The following CYP1A1 variants were observed in gnomAD, a reference collection of about 807,000 sequenced individuals.
The protein encoded by CYP1A1 is cytochrome P450 1A1.
In CYP1A1, 43 loss-of-function variants were observed where a neutral mutation model predicts 33.6. That is an observed-to-expected ratio of 1.28 (90% confidence interval 1.00 to 1.65). The LOEUF is 1.65. Ranked by LOEUF, CYP1A1 falls within the 40% of genes most tolerant of loss-of-function variation. The pLI is 0.00. For missense variants in CYP1A1, 637 were observed against 653.7 expected, an observed-to-expected ratio of 0.97 and a Z score of 0.28; for synonymous variants, 280 against 257.8, an observed-to-expected ratio of 1.09 and a Z score of -0.83.
At chr15:74,722,166 C>A (rs1050231399) in intron 2 of CYP1A1, 107 bp downstream of exon 2, 7 of 878,338 alleles carry the variant, frequency 8.0e-6, no homozygotes, top group Middle Eastern at 2.3e-4. Context: ...CAGGTTGAAG[C>A]CTTCCTGAGA....
At position 74,720,806 on chromosome 15, in the gene CYP1A1, G is replaced by A. The variant is rs2141713957; in HGVS notation, c.1254-32C>T. ...CCAGAGGGAGACAGCTGAAGTGGCA[G>A]TTCAGGGCTCAGAAGTGTCAAGTGA... On this transcript the variant is annotated intron_variant, in intron 6 of 6. Coordinates refer to ENST00000379727, the MANE Select transcript of CYP1A1 (RefSeq NM_001319217.2). 6 of 1,591,150 alleles carry A rather than the reference G, an allele frequency of 3.8e-6. No homozygotes were observed. In the East Asian group the frequency reaches 1.3e-4, roughly 36 times the overall value.
rs2063188383 is a variant in CYP1A1 at position 74,723,146 on chromosome 15, GA to G, written c.-29-21del. 1 of 1,415,028 alleles carries G rather than the reference GA, an allele frequency of 7.1e-7. No individual in the cohort carries two copies. Among genetic ancestry groups the G allele is most frequent in the Non-Finnish European group, 9.5e-7 (1 of 1,055,084 alleles). 87.7% of individuals were successfully genotyped at this position (1,415,028 alleles called of 1,614,324 possible). A position where few individuals can be genotyped will look rare whatever the true frequency, so the allele number is the denominator to read the frequency against. On this transcript the variant is annotated intron_variant, in intron 1 of 6. Transcript: ENST00000379727. ...TGGCTGCTGAGAGAAGGTGCAGGAA[GA>G]AAAAAAGTCAAGCCGTCAGATTGGG...
In CYP1A1 at chr15:74,721,436, C is replaced by T. The variant is rs1340288097; in HGVS notation, c.1020G>A (p.Gln340=). The stretch of plus-strand genomic sequence containing the variant: ...TACCTAGCTCCTCTTGGATCTTTCT[C>T]TGTACCCTGGGGTTCATCACCAAAT... ...LMYLVMNPRV[Q]RKIQEELDTV... The change falls in exon 4 of 7, where the codon CAG becomes CAA. Residue 340 remains glutamine, a synonymous_variant. Coordinates refer to ENST00000379727, the MANE Select transcript of CYP1A1 (RefSeq NM_001319217.2). The T allele has an allele frequency of 6.2e-6, 10 of 1,614,064 alleles. No homozygotes were observed. Among genetic ancestry groups the T allele is most frequent in the Non-Finnish European group, 8.5e-6 (10 of 1,180,050 alleles).
chr15:74,722,089 T>G (rs532706633), intron 2 of CYP1A1, 184 bp downstream of exon 2: 1 of 613,652 alleles, frequency 1.6e-6, no homozygotes, highest in African/African-American at 1.8e-5. Context: ...CATGGAAGGG[T>G]TAGTCAAGAT....
In CYP1A1 at chr15:74,720,350, C is replaced by T. The variant is rs2063157222; in HGVS notation, c.*139G>A. The T allele has an allele frequency of 5.0e-6, 5 of 997,908 alleles. No individual in the cohort carries two copies. The highest frequency in any genetic ancestry group is 7.1e-6 in the Non-Finnish European group (5 of 701,990). 61.8% of individuals were successfully genotyped at this position (997,908 alleles called of 1,614,324 possible). A position where few individuals can be genotyped will look rare whatever the true frequency, so the allele number is the denominator to read the frequency against. ...AGGCAGGATCCCTTAGGCTTGCCCA[C>T]AGCCCAGATAGCAAAACTGCAGCCA... is the stretch of plus-strand genomic sequence containing the variant. On this transcript the variant is annotated 3_prime_UTR_variant, in exon 7 of 7. Coordinates refer to ENST00000379727, the MANE Select transcript of CYP1A1 (RefSeq NM_001319217.2).
intron 1 of CYP1A1, among the ~76,000 whole-genome samples, chr15:74,724,866 G>T (rs1322352460): frequency 6.6e-6 from 1 of 152,126 alleles, no homozygotes; most frequent in African/African-American, 2.4e-5. Flanking sequence ...GGACAAAGAA[G>T]ATGGTCAATG....
In CYP1A1 at chr15:74,720,477, GCT is replaced by G. The variant is rs781368432; in HGVS notation, c.*10_*11del. On this transcript the variant is annotated 3_prime_UTR_variant, in exon 7 of 7. Coordinates refer to ENST00000379727, the MANE Select transcript of CYP1A1 (RefSeq NM_001319217.2). ...AGGTAGACAGAGTCTAGGCCTCAGG[GCT>G]CTCAAGCACCTAAGAGCGCAGCTGC... 1 of 1,547,046 alleles carries G rather than the reference GCT, an allele frequency of 6.5e-7. No individual in the cohort carries two copies. The highest frequency in any genetic ancestry group is 1.3e-5 in the South Asian group (1 of 79,376).
In CYP1A1 at chr15:74,721,255, G is replaced by C; in HGVS notation, c.1110C>G (p.Ala370=). The change falls in exon 5 of 7, where the codon GCC becomes GCG. Residue 370 remains alanine, a synonymous_variant. Coordinates refer to ENST00000379727, the MANE Select transcript of CYP1A1 (RefSeq NM_001319217.2). ...AGTGTCGGAAGGTCTCCAGGATGAA[G>C]GCCTCCATATAGGGCAGATGGGATC... ...SDRSHLPYME[A]FILETFRHSS... 1 of 1,613,928 alleles carries C rather than the reference G, an allele frequency of 6.2e-7. No individual in the cohort carries two copies. The highest frequency in any genetic ancestry group is 8.5e-7 in the Non-Finnish European group (1 of 1,179,940).
rs777121006 is a variant in CYP1A1, at chr15:74,721,582, T to C, written c.952+9A>G. On this transcript the variant is annotated intron_variant, in intron 3 of 6. Transcript: ENST00000379727. ...TGAGCACAGGAAGGACACAATGGGGTAACCATACCAGCTCCAAAGAGGTCC... is the reference window on the plus strand; with the variant it reads ...TGAGCACAGGAAGGACACAATGGGGCAACCATACCAGCTCCAAAGAGGTCC... 1.2e-5 allele frequency: 20 copies of C among 1,614,008 alleles called. No homozygotes were observed. The highest frequency in any genetic ancestry group is 1.5e-5 in the Non-Finnish European group (18 of 1,180,030).
At position 74,721,485 on chromosome 15, in the gene CYP1A1, G is replaced by C. The variant is rs751201537; in HGVS notation, c.971C>G (p.Thr324Ser). Residue 324 changes from threonine (T) to serine (S), a missense_variant, in exon 4 of 7, where the codon ACT (threonine) becomes AGT (serine). By Grantham distance (58) the Thr-to-Ser change is moderately conservative. Coordinates refer to ENST00000379727, the MANE Select transcript of CYP1A1 (RefSeq NM_001319217.2). ...ATACATGAGGCTCCAGGAGATAGCA[G>C]TTGTGACTGTGTCAAACCCTGGACA... ...LFGAGFDTVT[T>S]AISWSLMYLV... 1.2e-6 allele frequency: 2 copies of C among 1,614,202 alleles called. No homozygotes were observed. The highest frequency in any genetic ancestry group is 2.2e-5 in the South Asian group (2 of 91,084).
intron 2 of CYP1A1, 51 bp from the exon 3 acceptor site, chr15:74,721,768 C>T: frequency 6.2e-7 from 1 of 1,600,056 alleles, no homozygotes; most frequent in Non-Finnish European, 8.5e-7. Context: ...CCAGAGCTAC[C>T]TCTCCATCCA....
chr15:74,719,673 A>T lies in CYP1A1; in HGVS notation c.*816T>A, dbSNP rs1216958976. The T allele has an allele frequency of 6.6e-6, 1 of 152,076 alleles. No individual in the cohort carries two copies. Among genetic ancestry groups the T allele is most frequent in the Non-Finnish European group, 1.5e-5 (1 of 68,038 alleles). 9.4% of individuals were successfully genotyped at this position (152,076 alleles called of 1,614,324 possible). The stretch of plus-strand genomic sequence containing the variant: ...GCTCTTATGCAAGCATGCAAGCTCA[A>T]TGCAGGCTAGAATAGAAGGATTGTT... On this transcript the variant is annotated 3_prime_UTR_variant, in exon 7 of 7. Coordinates refer to ENST00000379727, the MANE Select transcript of CYP1A1 (RefSeq NM_001319217.2).
In CYP1A1 at chr15:74,722,293, G is replaced by C; in HGVS notation, c.805C>G (p.His269Asp). The change falls in exon 2 of 7, where the codon CAC becomes GAC. Residue 269 changes from histidine to aspartate, a missense_variant. His to Asp is a moderately conservative substitution (Grantham distance 81). Coordinates refer to ENST00000379727, the MANE Select transcript of CYP1A1 (RefSeq NM_001319217.2). ...YSFMQKMVKE[H>D]YKTFEKGHIR... is the part of the protein sequence containing the mutation. The stretch of plus-strand genomic sequence containing the variant: ...TGTACCTTCTCAAAGGTTTTGTAGT[G>C]CTCCTTGACCATCTTCTGCATGAAG... The C allele has an allele frequency of 1.2e-6, 2 of 1,612,524 alleles. No individual in the cohort carries two copies. Among genetic ancestry groups the C allele is most frequent in the Non-Finnish European group, 1.7e-6 (2 of 1,178,742 alleles).
rs775927378 is a variant in CYP1A1 at position 74,720,026 on chromosome 15, T to C, written c.*463A>G. On this transcript the variant is annotated 3_prime_UTR_variant, in exon 7 of 7. Transcript: ENST00000379727. ...CAGTGAGACTACCTCTGTGCCAGTATCCTGGGCTGTCTCTTCCCTTCACTC... is the reference window on the plus strand; with the variant it reads ...CAGTGAGACTACCTCTGTGCCAGTACCCTGGGCTGTCTCTTCCCTTCACTC... 6.5e-6 allele frequency: 1 copy of C among 154,444 alleles called. No individual in the cohort carries two copies. The highest frequency in any genetic ancestry group is 2.4e-5 in the African/African-American group (1 of 41,510). The allele number at this position is 154,444 out of a possible 1,614,324, so 9.6% of individuals were successfully genotyped here.
intron 1 of CYP1A1, 134 bp downstream of exon 1, chr15:74,725,307 T>G (rs1453535203): frequency 6.6e-6 from 1 of 152,366 alleles, no homozygotes; most frequent in African/African-American, 2.4e-5. Context: ...CTAGACTGCC[T>G]GGTCACTAAA....
Position 74,722,506 on chromosome 15 carries a change from T to G in CYP1A1, c.592A>C (p.Ile198Leu). ...CGCCGGCCAAAGCAAATGGCACAGA[T>G]GACATTGGTCACTGATACCACCACA... is the stretch of plus-strand genomic sequence containing the variant. ...RYVVVSVTNV[I>L]CAICFGRRYD... is the part of the protein sequence containing the mutation. The change falls in exon 2 of 7, where the codon ATC becomes CTC. Residue 198 changes from isoleucine (I) to leucine (L), a missense_variant. Physicochemically the swap from Ile to Leu is conservative, Grantham distance 5. Coordinates refer to ENST00000379727, the MANE Select transcript of CYP1A1 (RefSeq NM_001319217.2). 2.5e-6 allele frequency: 4 copies of G among 1,613,998 alleles called. No homozygotes were observed. Among genetic ancestry groups the G allele is most frequent in the Non-Finnish European group, 3.4e-6 (4 of 1,179,970 alleles).
chr15:74,722,760 G>A lies in CYP1A1; in HGVS notation c.338C>T (p.Thr113Ile). 6.2e-7 allele frequency: 1 copy of A among 1,613,706 alleles called. No individual in the cohort carries two copies. The highest frequency in any genetic ancestry group is 8.5e-7 in the Non-Finnish European group (1 of 1,180,024). Residue 113 changes from threonine (T) to isoleucine (I), a missense_variant, in exon 2 of 7, where the codon ACC becomes ATC. Physicochemically the swap from Thr to Ile is moderately conservative, Grantham distance 89. Transcript: ENST00000379727. ...FKGRPDLYTFTLISNGQSMSF... is the reference protein window; with the variant it reads ...FKGRPDLYTFILISNGQSMSF... ...CATGCTCTGACCATTACTGATGAGGGTGAAGGTGTAGAGGTCGGGCCGGCC... is the reference window on the plus strand; with the variant it reads ...CATGCTCTGACCATTACTGATGAGGATGAAGGTGTAGAGGTCGGGCCGGCC...
Position 74,722,788 on chromosome 15 carries a change from T to A in CYP1A1, c.310A>T (p.Lys104Ter). The A allele has an allele frequency of 6.2e-7, 1 of 1,611,494 alleles. No homozygotes were observed. The highest frequency in any genetic ancestry group is 8.5e-7 in the Non-Finnish European group (1 of 1,179,028). The change falls in exon 2 of 7, where the codon AAG (lysine) becomes TAG (stop). Residue 104 changes from lysine to a stop codon, truncating the protein, a stop_gained. Transcript: ENST00000379727. LOFTEE classifies it high-confidence loss of function. ...AAGGTGTAGAGGTCGGGCCGGCCCT[T>A]GAAATCATCGCCCTGCCGCACCAGG... ...QALVRQGDDF[K>*]GRPDLYTFTL...
At position 74,722,869 on chromosome 15, in the gene CYP1A1, G is replaced by A. The variant is rs371190271; in HGVS notation, c.229C>T (p.Arg77Ter). 5.3e-5 allele frequency: 86 copies of A among 1,614,146 alleles called. No homozygotes were observed. The highest frequency in any genetic ancestry group is 1.6e-4 in the East Asian group (7 of 44,888). ...ACCACCACGGGTGTGGAGCCAATTC[G>A]GATCTGCAGCACGTCCCCATACTGC... ...SQQYGDVLQI[R>*]IGSTPVVVLS... The change falls in exon 2 of 7, where the codon CGA becomes TGA. Residue 77 changes from arginine (R) to a stop codon, truncating the protein, a stop_gained. Coordinates refer to ENST00000379727, the MANE Select transcript of CYP1A1 (RefSeq NM_001319217.2). LOFTEE classifies it high-confidence loss of function.
Sources: allele counts gnomAD v4.1 joint callset (sites outside exome capture counted in the v4.1 genomes callset), GRCh38; gene constraint gnomAD v4.1.1; transcripts MANE v1.5; gene names NCBI Gene and HGNC (gene_info 2026-07-23, HGNC 2026-07-21).